The following LRRC66 variants were observed in gnomAD, a reference collection of about 807,000 sequenced individuals.
LRRC66 encodes the protein leucine rich repeat containing 66, also known as leucine-rich repeat-containing protein 66.
Under a neutral mutation model 24.6 loss-of-function variants are expected in LRRC66, and 29 were observed. The observed-to-expected ratio is 1.18, with a 90% confidence interval of 0.88 to 1.61. The LOEUF is 1.61. Among genes scored for constraint, LRRC66 ranks in the 40% most tolerant of loss-of-function variants. The pLI is 0.00. For missense variants in LRRC66, 1,124 were observed against 1,058.0 expected, an observed-to-expected ratio of 1.06 and a Z score of -0.87; for synonymous variants, 411 against 397.6, an observed-to-expected ratio of 1.03 and a Z score of -0.40.
chr4:52,018,962 C>T (rs368472534), intron 1 of LRRC66, among the ~76,000 whole-genome samples: 60 of 152,302 alleles, frequency 3.9e-4, no homozygotes, highest in African/African-American at 1.3e-3. Flanking sequence ...CCACAACCTC[C>T]GCCTCCCGGG....
In LRRC66 at chr4:52,002,409, A is replaced by C. The variant is rs188333742; in HGVS notation, c.666+814T>G. 6.6e-5 allele frequency among the ~76,000 whole-genome samples: 10 copies of C among 152,294 alleles called. No homozygotes were observed. The East Asian group carries it at 1.7e-3, about 26-fold the overall frequency. Reference sequence around the variant, plus strand: ...CTTACAAACCATCTAGTAGTGCTACACTGCAGGCCACTCCAGTGTTGCTAA... The same window carrying C: ...CTTACAAACCATCTAGTAGTGCTACCCTGCAGGCCACTCCAGTGTTGCTAA... On this transcript the variant is annotated intron_variant, in intron 3 of 4. Coordinates refer to ENST00000682860, the MANE Select transcript of LRRC66 (RefSeq NM_001024611.3).
At chr4:52,000,019 A>C (rs1270688924) in intron 3 of LRRC66, among the ~76,000 whole-genome samples, 1 of 152,200 alleles carries the variant, frequency 6.6e-6, no homozygotes, top group Non-Finnish European at 1.5e-5. Context: ...AGAATAGTGC[A>C]AGTATCAAAT....
At chr4:52,008,676 T>A (rs1371700829) in intron 2 of LRRC66, among the ~76,000 whole-genome samples, 1 of 151,978 alleles carries the variant, frequency 6.6e-6, no homozygotes, top group East Asian at 1.9e-4. Context: ...CTTTATTGAG[T>A]AAAAATATAT....
chr4:52,013,710 C>T (rs770663924), intron 2 of LRRC66, among the ~76,000 whole-genome samples: 4 of 152,154 alleles, frequency 2.6e-5, no homozygotes, highest in Non-Finnish European at 5.9e-5. Flanking sequence ...AGGGTTAGTT[C>T]GTGTGATATC....
chr4:52,017,783 C>G, intron 1 of LRRC66, 165 bp from the exon 2 acceptor site: 1 of 985,296 alleles, frequency 1.0e-6, no homozygotes, highest in African/African-American at 1.7e-5. Flanking sequence ...AATGTAGCTA[C>G]CAAAATGAAA....
chr4:51,994,503 G>A lies in LRRC66; in HGVS notation c.2519C>T (p.Ser840Leu). Residue 840 changes from serine to leucine, a missense_variant, in exon 5 of 5, where the codon TCA becomes TTA. Ser to Leu is a moderately radical substitution (Grantham distance 145, BLOSUM62 -2). Transcript: ENST00000682860. ...ATTTGAAAATTCTAAGTCTCTAAGT[G>A]AGCAATGCCATTCTGCTGCCTTGGA... ...LQSKAAEWHC[S>L]LRDLEFSNVD... 1 of 1,614,166 alleles carries A rather than the reference G, an allele frequency of 6.2e-7. No homozygotes were observed. The highest frequency in any genetic ancestry group is 1.7e-5 in the Admixed American group (1 of 60,024).
Position 51,995,675 on chromosome 4 carries a change from TA to T in LRRC66, c.1346del (p.Leu449GlnfsTer12). The T allele has an allele frequency of 6.2e-7, 1 of 1,614,064 alleles. No individual in the cohort carries two copies. On this transcript the variant is annotated frameshift_variant, in exon 5 of 5. Coordinates refer to ENST00000682860, the MANE Select transcript of LRRC66 (RefSeq NM_001024611.3). LOFTEE classifies it low-confidence loss of function (END_TRUNC). ...ETHLRQVFPH[L>X]SLYENQTPFW... ...AAGGGGTCTGGTTCTCGTAGAGGCT[TA>T]GATGAGGAAATACTTGGCGCAGATG... is the stretch of plus-strand genomic sequence containing the variant.
chr4:52,012,033 A>G (rs1736717170), intron 2 of LRRC66, among the ~76,000 whole-genome samples: 1 of 152,060 alleles, frequency 6.6e-6, no homozygotes. Flanking sequence ...AAAAATACAA[A>G]AAAATTAGCT....
Position 51,995,226 on chromosome 4 carries a change from C to T in LRRC66, c.1796G>A (p.Arg599Lys). The stretch of plus-strand genomic sequence containing the variant: ...CCCTCTTTCCTTACTATCTCCAGTC[C>T]TCTGTGCTTCTGCATGTGTTAGCAT... ...CKMLTHAEAQ[R>K]TGDSKERGGT... The change falls in exon 5 of 5, where the codon AGG becomes AAG. Residue 599 changes from arginine to lysine, a missense_variant. By Grantham distance (26) the Arg-to-Lys change is conservative (BLOSUM62 2). Coordinates refer to ENST00000682860, the MANE Select transcript of LRRC66 (RefSeq NM_001024611.3). The T allele has an allele frequency of 6.2e-7, 1 of 1,614,180 alleles. No individual in the cohort carries two copies. The highest frequency in any genetic ancestry group is 1.3e-5 in the African/African-American group (1 of 75,054).
At position 51,994,629 on chromosome 4, in the gene LRRC66, C is replaced by T; in HGVS notation, c.2393G>A (p.Arg798Lys). The T allele has an allele frequency of 2.5e-6, 4 of 1,607,548 alleles. No individual in the cohort carries two copies. The highest frequency in any genetic ancestry group is 3.4e-6 in the Non-Finnish European group (4 of 1,174,720). ...GGGCCAGGGTGACAGGCCCTCAGAT[C>T]TATCAGTGTCAGAGGCATTTTCCAG... ...THLENASDTDRSEGLSPWPRS... is the reference protein window; with the variant it reads ...THLENASDTDKSEGLSPWPRS... The change falls in exon 5 of 5, where the codon AGA (arginine) becomes AAA (lysine). Residue 798 changes from arginine (R) to lysine (K), a missense_variant. Coordinates refer to ENST00000682860, the MANE Select transcript of LRRC66 (RefSeq NM_001024611.3).
At chr4:52,017,813 C>T (rs1736855706) in intron 1 of LRRC66, 195 bp from the exon 2 acceptor site, 3 of 985,256 alleles carry the variant, frequency 3.0e-6, no homozygotes, top group Non-Finnish European at 3.6e-6. Flanking sequence ...TATAAAATTA[C>T]ATTTATGTCA....
intron 4 of LRRC66, 39 bp from the exon 5 acceptor site, chr4:51,996,204 T>C (rs375931313): frequency 2.7e-5 from 40 of 1,497,106 alleles, no homozygotes; most frequent in South Asian, 3.9e-5. Context: ...TGAGCGAACA[T>C]TGAAATAAGA....
Position 51,995,159 on chromosome 4 carries a change from A to G in LRRC66, c.1863T>C (p.Ser621=). 6.2e-7 allele frequency: 1 copy of G among 1,614,226 alleles called. No individual in the cohort carries two copies. Residue 621 remains serine, a synonymous_variant, in exon 5 of 5, where the codon TCT becomes TCC. Coordinates refer to ENST00000682860, the MANE Select transcript of LRRC66 (RefSeq NM_001024611.3). ...TGGATGAACTCACTTGCCTTTCCTT[A>G]GAAAATTCCATCTGCGAGTCCCAAA... The part of the protein sequence containing the change: ...QSLWDSQMEF[S]KERQVSSSID...
chr4:51,997,302 A>T (rs1335613955), intron 4 of LRRC66, among the ~76,000 whole-genome samples: 1 of 152,248 alleles, frequency 6.6e-6, no homozygotes, highest in African/African-American at 2.4e-5. Flanking sequence ...GTTAGCAAAC[A>T]TTTAAAATAA....
chr4:51,995,313 C>A lies in LRRC66; in HGVS notation c.1709G>T (p.Arg570Leu). 1 of 1,614,172 alleles carries A rather than the reference C, an allele frequency of 6.2e-7. No homozygotes were observed. The highest frequency in any genetic ancestry group is 1.7e-5 in the Admixed American group (1 of 60,024). The stretch of plus-strand genomic sequence containing the variant: ...AGGGTCTAATTCATTGGAATCATAA[C>A]GGCTTGAGCCAGAGACAGCGTGAGA... ...GTSHAVSGSS[R>L]YDSNELDPSL... Residue 570 changes from arginine (R) to leucine (L), a missense_variant, in exon 5 of 5, where the codon CGT becomes CTT. By Grantham distance (102) the Arg-to-Leu change is moderately radical. Coordinates refer to ENST00000682860, the MANE Select transcript of LRRC66 (RefSeq NM_001024611.3).
At chr4:52,017,716 T>G (rs1045294201) in intron 1 of LRRC66, 98 bp from the exon 2 acceptor site, 146 of 1,387,616 alleles carry the variant, frequency 1.1e-4, no homozygotes, top group Non-Finnish European at 1.3e-4. Context: ...TTTCGGAAAG[T>G]TATCTTGTCT....
At chr4:52,001,240 G>A (rs971060140) in intron 3 of LRRC66, among the ~76,000 whole-genome samples, 1 of 152,176 alleles carries the variant, frequency 6.6e-6, no homozygotes, top group Admixed American at 6.5e-5. Context: ...TTATAAAGGG[G>A]AATTAATTTA....
chr4:52,000,098 G>A (rs1406167865), intron 3 of LRRC66, among the ~76,000 whole-genome samples: 1 of 152,166 alleles, frequency 6.6e-6, no homozygotes, highest in Non-Finnish European at 1.5e-5. Flanking sequence ...TGTTCATCAT[G>A]TTCCAAAACC....
In LRRC66 at chr4:51,997,937, C is replaced by T. The variant is rs555712186; in HGVS notation, c.667G>A (p.Val223Ile). 5.0e-6 allele frequency: 8 copies of T among 1,611,618 alleles called. No homozygotes were observed. In the South Asian group the frequency reaches 7.7e-5, roughly 16 times the overall value. Reference protein sequence around the residue: ...QAFKDLKKLQVIDLSNNALIT... With the variant: ...QAFKDLKKLQIIDLSNNALIT... The stretch of plus-strand genomic sequence containing the variant: ...AGAGCATTGTTGCTAAGGTCTATGA[C>T]CTGTTTGAGAAGAAACAAGTTTAGG... Residue 223 changes from valine to isoleucine, a missense_variant and splice_region_variant, in exon 4 of 5, where the codon GTC becomes ATC. Coordinates refer to ENST00000682860, the MANE Select transcript of LRRC66 (RefSeq NM_001024611.3).
Sources: gnomAD v4.1 joint callset for allele counts (sites outside exome capture counted in the v4.1 genomes callset) on GRCh38, gnomAD v4.1.1 for gene constraint, MANE v1.5 for transcripts, NCBI Gene and HGNC (gene_info 2026-07-23, HGNC 2026-07-21) for gene names.